SULT2B1: variants seen among roughly 807,000 people sequenced by gnomAD.
SULT2B1 encodes sulfotransferase family 2B member 1.
A neutral mutation model predicts 33.2 loss-of-function variants in SULT2B1; 16 were observed. The observed-to-expected ratio is 0.48, with a 90% CI of 0.33 to 0.73. The LOEUF is 0.73. Ranked by LOEUF, SULT2B1 falls within the 30% of genes least tolerant of loss-of-function variation. The pLI, the probability that SULT2B1 is intolerant of heterozygous loss-of-function variation, is 0.02. For synonymous variants in SULT2B1, 186 were observed against 200.5 expected, an observed-to-expected ratio of 0.93 and a Z score of 0.61; for missense variants, 500 against 506.0, an observed-to-expected ratio of 0.99 and a Z score of 0.11.
At chr19:48,562,500 C>T (rs572105661) in intron 1 of SULT2B1, among the ~76,000 whole-genome samples, 7 of 150,120 alleles carry the variant, frequency 4.7e-5, no homozygotes, top group African/African-American at 7.3e-5. Flanking sequence ...TGCAGTGAGC[C>T]GAGATCACAC....
intron 2 of SULT2B1, among the ~76,000 whole-genome samples, chr19:48,586,928 T>TG (rs1973567941): frequency 6.6e-6 from 1 of 151,972 alleles, no homozygotes; most frequent in South Asian, 2.1e-4. Flanking sequence ...CTGGCCAACA[T>TG]GGGGAGACCT....
intron 2 of SULT2B1, among the ~76,000 whole-genome samples, chr19:48,580,259 T>C (rs1407089779): frequency 6.6e-6 from 1 of 151,268 alleles, no homozygotes; most frequent in East Asian, 1.9e-4. Context: ...CGTGGACATA[T>C]GTTTTCTTTG....
intron 2 of SULT2B1, 138 bp from the exon 3 acceptor site, chr19:48,587,091 A>C: frequency 1.6e-6 from 1 of 637,060 alleles, no homozygotes; most frequent in Non-Finnish European, 2.6e-6. Flanking sequence ...CAGCGTGGGC[A>C]ACAGAGTAAG....
intron 2 of SULT2B1, among the ~76,000 whole-genome samples, chr19:48,584,982 G>A (rs895596985): frequency 6.9e-6 from 1 of 144,908 alleles, no homozygotes; most frequent in Non-Finnish European, 1.5e-5. Flanking sequence ...CCAGGAGGCA[G>A]AGGTTTCAGT....
chr19:48,587,729 A>G (rs1331874883), intron 3 of SULT2B1, among the ~76,000 whole-genome samples: 1 of 150,456 alleles, frequency 6.6e-6, no homozygotes. Flanking sequence ...ACATCATTAC[A>G]AGAAATTTTA....
At chr19:48,598,841 G>A (rs548009791) in intron 6 of SULT2B1, among the ~76,000 whole-genome samples, 1 of 152,236 alleles carries the variant, frequency 6.6e-6, no homozygotes, top group South Asian at 2.1e-4. Context: ...AGGGTTGGAG[G>A]CAGAGGTTCT....
intron 1 of SULT2B1, among the ~76,000 whole-genome samples, chr19:48,568,280 CAT>C (rs1973270243): frequency 7.7e-6 from 1 of 130,090 alleles, no homozygotes; most frequent in Admixed American, 7.4e-5. Flanking sequence ...AGTGAGACTC[CAT>C]CTCAAAAAAA....
chr19:48,553,950 C>G lies in SULT2B1; in HGVS notation c.71+1627C>G, dbSNP rs567600280. On this transcript the variant is annotated intron_variant, in intron 1 of 6. Coordinates refer to ENST00000201586, the MANE Select transcript of SULT2B1 (RefSeq NM_177973.2). The stretch of plus-strand genomic sequence containing the variant: ...GCCTCTGGGAAGGCCTCACCCCCAC[C>G]CCAGCCAGGCACCTGGGAGCCTTTT... 7.9e-5 allele frequency among the ~76,000 whole-genome samples: 12 copies of G among 151,544 alleles called. No individual in the cohort carries two copies. The East Asian group carries it at 2.3e-3, about 29-fold the overall frequency.
At chr19:48,592,247 G>A (rs903365331) in intron 4 of SULT2B1, among the ~76,000 whole-genome samples, 45 of 152,050 alleles carry the variant, frequency 3.0e-4, no homozygotes, top group African/African-American at 1.0e-3. Flanking sequence ...AGCCAAGATC[G>A]TGCCACTGCA....
chr19:48,554,856 G>A (rs544447360), intron 1 of SULT2B1, among the ~76,000 whole-genome samples: 146 of 151,690 alleles, frequency 9.6e-4, no homozygotes, highest in Middle Eastern at 3.4e-3. Context: ...CAGAGAGGTT[G>A]AGTAACTTGC....
chr19:48,563,724 G>A (rs1323252873), intron 1 of SULT2B1, among the ~76,000 whole-genome samples: 2 of 152,108 alleles, frequency 1.3e-5, no homozygotes, highest in Non-Finnish European at 2.9e-5. Flanking sequence ...CAGCACTTTG[G>A]GAGGCCGAGG....
At chr19:48,579,605 C>CTTTCTTTTTTTTTTTTTTTTTTT (rs71179013) in intron 2 of SULT2B1, among the ~76,000 whole-genome samples, 1 of 79,736 alleles carries the variant, frequency 1.3e-5, no homozygotes, top group Non-Finnish European at 2.3e-5. Context: ...TTCTTTCTTT[C>CTTTCTTTTTTTTTTTTTTTTTTT]TTTTTTTTTT....
intron 1 of SULT2B1, among the ~76,000 whole-genome samples, chr19:48,572,555 G>C (rs914783557): frequency 1.3e-5 from 2 of 151,284 alleles, no homozygotes; most frequent in Non-Finnish European, 2.9e-5. Flanking sequence ...GACCTGTGTC[G>C]AGGTGGAAGG....
chr19:48,561,782 A>C (rs1973184471), intron 1 of SULT2B1, among the ~76,000 whole-genome samples: 1 of 152,146 alleles, frequency 6.6e-6, no homozygotes. Context: ...GATGTGGGTG[A>C]GATGCTCTAC....
chr19:48,592,734 C>G lies in SULT2B1; in HGVS notation c.563C>G (p.Ser188Cys). The G allele has an allele frequency of 1.3e-6, 2 of 1,596,482 alleles. No individual in the cohort carries two copies. Among genetic ancestry groups the G allele is most frequent in the Non-Finnish European group, 1.7e-6 (2 of 1,171,136 alleles). Residue 188 changes from serine (S) to cysteine (C), a missense_variant, in exon 5 of 7, where the codon TCC (serine) becomes TGC (cysteine). Ser to Cys is a moderately radical substitution (Grantham distance 112). Coordinates refer to ENST00000201586, the MANE Select transcript of SULT2B1 (RefSeq NM_177973.2). ...DFLKGEVQFG[S>C]WFDHIKGWLR... ...CCTCTGCCCACAGTGCAGTTTGGCT[C>G]CTGGTTCGACCACATTAAGGGCTGG...
At chr19:48,590,178 G>A (rs570034479) in intron 3 of SULT2B1, among the ~76,000 whole-genome samples, 41 of 151,954 alleles carry the variant, frequency 2.7e-4, no homozygotes, top group Middle Eastern at 3.4e-3. Context: ...CAGTAGAGAC[G>A]GGGTTTCACC....
chr19:48,585,503 A>C (rs1309275811), intron 2 of SULT2B1, among the ~76,000 whole-genome samples: 1 of 151,974 alleles, frequency 6.6e-6, no homozygotes, highest in African/African-American at 2.4e-5. Flanking sequence ...TCCCATCTCT[A>C]CTAAAAATAC....
At chr19:48,581,875 TTTA>T (rs141497210) in intron 2 of SULT2B1, among the ~76,000 whole-genome samples, 9,255 of 128,588 alleles carry the variant, frequency 0.072, 344 homozygotes, top group African/African-American at 0.12. Context: ...CAGAGTATGT[TTTA>T]TTATTATTAT....
At chr19:48,565,812 TAC>T (rs1973236593) in intron 1 of SULT2B1, among the ~76,000 whole-genome samples, 1 of 151,996 alleles carries the variant, frequency 6.6e-6, no homozygotes, top group Non-Finnish European at 1.5e-5. Flanking sequence ...ACCTAAGTGG[TAC>T]AACCACAGTT....
Sources: gnomAD v4.1 joint callset for allele counts (sites outside exome capture counted in the v4.1 genomes callset) on GRCh38, gnomAD v4.1.1 for gene constraint, MANE v1.5 for transcripts, NCBI Gene and HGNC (gene_info 2026-07-23, HGNC 2026-07-21) for gene names.